The following SBF2 variants were observed in gnomAD, a reference collection of about 807,000 sequenced individuals.
SBF2 encodes the protein myotubularin-related protein 13.
SBF2 carries 112 observed loss-of-function variants against 225.2 expected under a neutral mutation model. That is an observed-to-expected ratio of 0.50 (90% CI 0.43 to 0.58). The LOEUF (loss-of-function observed/expected upper bound fraction) is 0.58, where lower values mean the gene tolerates loss of function less well. Ranked by LOEUF, SBF2 falls within the 20% of genes least tolerant of loss-of-function variation. The pLI is 0.00. For missense variants in SBF2, 1,996 were observed against 2,206.2 expected (o/e 0.90, Z 1.91); for synonymous variants, 763 against 773.3 (o/e 0.99, Z 0.22).
chr11:10,193,101 TA>T (rs1420724754), intron 2 of SBF2, among the ~76,000 whole-genome samples: 13 of 152,144 alleles, frequency 8.5e-5, no homozygotes, highest in African/African-American at 3.1e-4. Flanking sequence ...ACCTTGTAGC[TA>T]AAAACAAAAG....
intron 3 of SBF2, among the ~76,000 whole-genome samples, chr11:10,035,982 T>C (rs1018391516): frequency 6.6e-6 from 1 of 152,152 alleles, no homozygotes; most frequent in African/African-American, 2.4e-5. Flanking sequence ...TGTGACACTA[T>C]TCACAATAGG....
At chr11:9,876,670 G>A (rs984964225) in intron 17 of SBF2, among the ~76,000 whole-genome samples, 3 of 152,218 alleles carry the variant, frequency 2.0e-5, no homozygotes, top group African/African-American at 7.2e-5. Context: ...AATTTCTGTT[G>A]TTAAAATATC....
At chr11:10,010,612 C>A (rs1948407055) in intron 6 of SBF2, among the ~76,000 whole-genome samples, 1 of 152,212 alleles carries the variant, frequency 6.6e-6, no homozygotes, top group East Asian at 1.9e-4. Context: ...TGTTTTGGTA[C>A]CAGTACCATG....
At chr11:10,201,328 G>C (rs1957561611) in intron 1 of SBF2, among the ~76,000 whole-genome samples, 1 of 152,018 alleles carries the variant, frequency 6.6e-6, no homozygotes, top group South Asian at 2.1e-4. Flanking sequence ...ATGTTCTCTA[G>C]AAGACCTGTG....
intron 2 of SBF2, among the ~76,000 whole-genome samples, chr11:10,089,503 C>T (rs559804626): frequency 6.6e-6 from 1 of 152,240 alleles, no homozygotes; most frequent in East Asian, 1.9e-4. Flanking sequence ...AGTGATGGGT[C>T]AATCTTTTTC....
intron 17 of SBF2, among the ~76,000 whole-genome samples, chr11:9,878,771 A>T (rs1224802051): frequency 1.3e-5 from 2 of 152,220 alleles, no homozygotes; most frequent in African/African-American, 4.8e-5. Flanking sequence ...GTCACCCAAG[A>T]GTATAATAAA....
At chr11:9,972,245 C>G (rs1404031136) in intron 13 of SBF2, among the ~76,000 whole-genome samples, 1 of 152,054 alleles carries the variant, frequency 6.6e-6, no homozygotes, top group Non-Finnish European at 1.5e-5. Flanking sequence ...TACAGTAAAG[C>G]TGTTAGAACA....
chr11:10,110,379 T>C (rs970559024), intron 2 of SBF2, among the ~76,000 whole-genome samples: 2 of 152,170 alleles, frequency 1.3e-5, no homozygotes, highest in South Asian at 4.1e-4. Flanking sequence ...TCAGTAGCCA[T>C]ACTAATTAAA....
intron 1 of SBF2, among the ~76,000 whole-genome samples, chr11:10,285,910 A>G (rs1266174950): frequency 6.6e-6 from 1 of 152,250 alleles, no homozygotes; most frequent in African/African-American, 2.4e-5. Context: ...AAAAAAATAC[A>G]CAAATGGCAA....
At chr11:9,809,310 A>G in intron 30 of SBF2, 1 of 292,520 alleles carries the variant, frequency 3.4e-6, no homozygotes, top group South Asian at 4.0e-5. Context: ...AATGAAAACA[A>G]CAACAAAATG....
intron 17 of SBF2, among the ~76,000 whole-genome samples, chr11:9,874,565 T>C (rs906313089): frequency 1.3e-5 from 2 of 152,210 alleles, no homozygotes; most frequent in African/African-American, 2.4e-5. Context: ...GATGCCTCCA[T>C]GATATAGTCA....
chr11:9,909,359 A>G (rs1337577390), intron 16 of SBF2, among the ~76,000 whole-genome samples: 1 of 151,610 alleles, frequency 6.6e-6, no homozygotes, highest in African/African-American at 2.4e-5. Flanking sequence ...GGTAAAAAAA[A>G]CCTGACTTAC....
chr11:10,016,461 GCTTT>G (rs1184309050), intron 6 of SBF2: 2 of 151,958 alleles, frequency 1.3e-5, no homozygotes, highest in Admixed American at 6.6e-5. Flanking sequence ...AATGTCACAT[GCTTT>G]CTTAAGTTTT....
intron 1 of SBF2, among the ~76,000 whole-genome samples, chr11:10,210,475 T>C (rs541128890): frequency 4.6e-5 from 7 of 151,120 alleles, no homozygotes; most frequent in African/African-American, 1.7e-4. Context: ...TGTCACATGA[T>C]TACACCCAAT....
At chr11:9,940,947 T>G (rs1202416972) in intron 16 of SBF2, among the ~76,000 whole-genome samples, 1 of 152,168 alleles carries the variant, frequency 6.6e-6, no homozygotes, top group Non-Finnish European at 1.5e-5. Context: ...AGTAGACATG[T>G]TCTTAGGAAA....
intron 13 of SBF2, among the ~76,000 whole-genome samples, chr11:9,970,244 T>C (rs1867241078): frequency 6.6e-6 from 1 of 151,944 alleles, no homozygotes; most frequent in Non-Finnish European, 1.5e-5. Flanking sequence ...TCTTGCTCTG[T>C]CGCCCAGGCT....
At chr11:10,266,937 T>C (rs1203412332) in intron 1 of SBF2, among the ~76,000 whole-genome samples, 1 of 151,936 alleles carries the variant, frequency 6.6e-6, no homozygotes, top group Non-Finnish European at 1.5e-5. Flanking sequence ...GAAAATATAA[T>C]ACAAAAATTA....
chr11:10,242,017 G>A (rs1400662760), intron 1 of SBF2, among the ~76,000 whole-genome samples: 1 of 148,220 alleles, frequency 6.7e-6, no homozygotes. Context: ...CAGACCCTAG[G>A]ACCTAACATG....
chr11:10,049,759 A>G (rs983672860), intron 2 of SBF2, among the ~76,000 whole-genome samples: 1 of 152,250 alleles, frequency 6.6e-6, no homozygotes, highest in Non-Finnish European at 1.5e-5. Flanking sequence ...GGGTGTTAAC[A>G]TGTAACTATC....
Sources: gnomAD v4.1 joint callset for allele counts (sites outside exome capture counted in the v4.1 genomes callset) on GRCh38, gnomAD v4.1.1 for gene constraint, MANE v1.5 for transcripts, NCBI Gene and HGNC (gene_info 2026-07-23, HGNC 2026-07-21) for gene names.